AFF4: variants seen among roughly 807,000 people sequenced by gnomAD.
AFF4 encodes AF4/FMR2 family member 4.
Under a neutral mutation model 124.8 loss-of-function variants are expected in AFF4, and 13 were observed. The observed-to-expected ratio is 0.10, with a 90% confidence interval of 0.07 to 0.17. The LOEUF is 0.17. AFF4 is among the 10% of genes least tolerant of loss of function. The pLI is 1.00. For missense variants in AFF4, 1,092 were observed against 1,403.8 expected, an observed-to-expected ratio of 0.78 and a Z score of 3.55; for synonymous variants, 477 against 496.1, an observed-to-expected ratio of 0.96 and a Z score of 0.51.
chr5:132,920,349 G>A (rs1761013947), intron 5 of AFF4, among the ~76,000 whole-genome samples: 1 of 142,322 alleles, frequency 7.0e-6, no homozygotes, highest in African/African-American at 2.6e-5. Context: ...CAGCCCAGCG[G>A]GCAAACATTT....
chr5:132,963,512 G>C lies in AFF4; in HGVS notation c.-258C>G. The C allele has an allele frequency of 2.5e-6, 1 of 397,966 alleles. No homozygotes were observed. Among genetic ancestry groups the C allele is most frequent in the Non-Finnish European group, 4.4e-6 (1 of 225,634 alleles). The allele number at this position is 397,966 out of a possible 1,614,324, so 24.7% of individuals were successfully genotyped here. A position where few individuals can be genotyped will look rare whatever the true frequency, so the allele number is the denominator to read the frequency against. On this transcript the variant is annotated 5_prime_UTR_variant, in exon 1 of 21. Transcript: ENST00000265343. ...GCACCGCTCCATGACGGTCGGGCCC[G>C]GGCTGGGACAGCTGACTGAGGCGGC...
chr5:132,940,588 T>C (rs899010753), intron 1 of AFF4, among the ~76,000 whole-genome samples: 1 of 152,222 alleles, frequency 6.6e-6, no homozygotes, highest in Non-Finnish European at 1.5e-5. Context: ...AAGAAGTATT[T>C]CTATATCTCT....
intron 1 of AFF4, among the ~76,000 whole-genome samples, chr5:132,952,972 T>A (rs889419772): frequency 6.6e-6 from 1 of 152,048 alleles, no homozygotes; most frequent in Non-Finnish European, 1.5e-5. Flanking sequence ...TGACACTTTC[T>A]CTTCTGAAAT....
chr5:132,893,040 T>C lies in AFF4; in HGVS notation c.2386A>G (p.Ser796Gly). The C allele has an allele frequency of 1.2e-6, 2 of 1,614,114 alleles. No homozygotes were observed. Among genetic ancestry groups the C allele is most frequent in the Non-Finnish European group, 1.7e-6 (2 of 1,179,982 alleles). Residue 796 changes from serine to glycine, a missense_variant, in exon 12 of 21, where the codon AGC becomes GGC. Ser to Gly is a moderately conservative substitution (Grantham distance 56, BLOSUM62 0). Coordinates refer to ENST00000265343, the MANE Select transcript of AFF4 (RefSeq NM_014423.4). ...DKNSAGHKPS[S>G]NRESSKQSAA... ...GTTTTGGGAACGTACTCTCTGTTGCTGGATGGCTTATGGCCTGCTGAATTC... is the reference window on the plus strand; with the variant it reads ...GTTTTGGGAACGTACTCTCTGTTGCCGGATGGCTTATGGCCTGCTGAATTC...
intron 1 of AFF4, chr5:132,943,113 T>G (rs1390129316): frequency 1.7e-5 from 3 of 173,432 alleles, no homozygotes; most frequent in South Asian, 1.3e-4. Context: ...CAGGCACATC[T>G]CAGGCTGACT....
At chr5:132,894,926 T>C (rs1581276474) in intron 11 of AFF4, among the ~76,000 whole-genome samples, 1 of 152,268 alleles carries the variant, frequency 6.6e-6, no homozygotes, top group East Asian at 1.9e-4. Flanking sequence ...CACTCCAGCC[T>C]AGGTGACAGA....
chr5:132,914,325 G>A (rs1218200674), intron 5 of AFF4, among the ~76,000 whole-genome samples: 11 of 151,856 alleles, frequency 7.2e-5, no homozygotes, highest in Non-Finnish European at 5.9e-5. Context: ...TGAGCAAGCC[G>A]GGCGCAGCGG....
chr5:132,899,047 A>G (rs1760482173), intron 9 of AFF4, 57 bp downstream of exon 9: 2 of 1,476,964 alleles, frequency 1.4e-6, no homozygotes, highest in Non-Finnish European at 1.9e-6. Flanking sequence ...TATCCCTGCA[A>G]TGTTATCAGG....
chr5:132,962,058 C>T lies in AFF4; in HGVS notation c.-5+1201G>A, dbSNP rs75939875. 2.4e-4 allele frequency among the ~76,000 whole-genome samples: 37 copies of T among 152,278 alleles called. No homozygotes were observed. In the East Asian group the frequency reaches 6.4e-3, roughly 26 times the overall value. The stretch of plus-strand genomic sequence containing the variant: ...CCACTTGCCAACACTTCTTTATGCA[C>T]GTATGACCAAAGATGATTCTAGGCA... On this transcript the variant is annotated intron_variant, in intron 1 of 20. Transcript: ENST00000265343.
Position 132,880,806 on chromosome 5 carries a change from T to C in AFF4, c.*253A>G, listed in dbSNP as rs569370320. On this transcript the variant is annotated 3_prime_UTR_variant, in exon 21 of 21. Transcript: ENST00000265343. Reference sequence around the variant, plus strand: ...AATTGCAACTGGAATTTCAATCTTATCATAGCTCACGGAAACCATCTTATC... The same window carrying C: ...AATTGCAACTGGAATTTCAATCTTACCATAGCTCACGGAAACCATCTTATC... 3.2e-5 allele frequency: 11 copies of C among 342,444 alleles called. No homozygotes were observed. The highest frequency in any genetic ancestry group is 7.7e-4 in the Middle Eastern group (1 of 1,298). 21.2% of individuals were successfully genotyped at this position (342,444 alleles called of 1,614,324 possible).
intron 1 of AFF4, among the ~76,000 whole-genome samples, chr5:132,942,418 A>G (rs1001104536): frequency 3.3e-5 from 5 of 150,664 alleles, no homozygotes; most frequent in African/African-American, 1.2e-4. Flanking sequence ...AACATGTTCT[A>G]GGTTACCTTT....
intron 1 of AFF4, among the ~76,000 whole-genome samples, chr5:132,959,797 C>T (rs1469708835): frequency 2.4e-5 from 3 of 125,648 alleles, no homozygotes; most frequent in Non-Finnish European, 4.7e-5. Context: ...CGGAGTCTCG[C>T]TCTGTTGCCC....
At chr5:132,899,185 T>C in intron 8 of AFF4, 44 bp from the exon 9 acceptor site, 1 of 1,564,718 alleles carries the variant, frequency 6.4e-7, no homozygotes, top group Non-Finnish European at 8.8e-7. Context: ...GAATAAACAG[T>C]ATTCTATTTG....
chr5:132,878,127 G>T lies in AFF4; in HGVS notation c.*2932C>A. 1 of 227,858 alleles carries T rather than the reference G, an allele frequency of 4.4e-6. No individual in the cohort carries two copies. 14.1% of individuals were successfully genotyped at this position (227,858 alleles called of 1,614,324 possible). A position where few individuals can be genotyped will look rare whatever the true frequency, so the allele number is the denominator to read the frequency against. ...AAAAGGTGGCACTGAGGCAAGGAAT[G>T]GGCTGGATGCTCTCTAGCCAGACTG... is the stretch of plus-strand genomic sequence containing the variant. On this transcript the variant is annotated 3_prime_UTR_variant, in exon 21 of 21. Coordinates refer to ENST00000265343, the MANE Select transcript of AFF4 (RefSeq NM_014423.4).
intron 1 of AFF4, among the ~76,000 whole-genome samples, chr5:132,949,877 A>T (rs915391181): frequency 1.3e-5 from 2 of 149,866 alleles, no homozygotes; most frequent in Non-Finnish European, 3.0e-5. Flanking sequence ...AGTAAAAATT[A>T]GCCAGGAAAG....
rs1017373867 is a variant in AFF4, at chr5:132,937,182, C to T, written c.8G>A (p.Arg3His). MN[R>H]EDRNVLRMKE... Reference sequence around the variant, plus strand: ...CATACGCAGCACATTCCGGTCTTCACGGTTCATGTTGCTATGAAAAGAAAC... The same window carrying T: ...CATACGCAGCACATTCCGGTCTTCATGGTTCATGTTGCTATGAAAAGAAAC... The change falls in exon 2 of 21, where the codon CGT becomes CAT. Residue 3 changes from arginine (R) to histidine (H), a missense_variant. Arg to His is a conservative substitution (Grantham distance 29). Around this residue, in one of 11 missense-constraint regions of AFF4, gnomAD observed 46 missense variants for 49.0 expected, o/e 0.94. Transcript: ENST00000265343. 5.6e-6 allele frequency: 9 copies of T among 1,610,330 alleles called. No homozygotes were observed. Among genetic ancestry groups the T allele is most frequent in the Admixed American group, 3.4e-5 (2 of 59,544 alleles).
chr5:132,930,933 TAAAAAAA>T (rs775336427), intron 4 of AFF4, among the ~76,000 whole-genome samples: 4 of 78,564 alleles, frequency 5.1e-5, no homozygotes, highest in Admixed American at 1.6e-4. Flanking sequence ...CTATCTCTAC[TAAAAAAA>T]AAAAAAAAAA....
chr5:132,944,681 A>G (rs1425445352), intron 1 of AFF4, among the ~76,000 whole-genome samples: 2 of 152,012 alleles, frequency 1.3e-5, no homozygotes, highest in East Asian at 3.9e-4. Flanking sequence ...CCGTAATCCC[A>G]GCACTTTGGA....
chr5:132,951,638 C>T (rs1365655805), intron 1 of AFF4, among the ~76,000 whole-genome samples: 1 of 152,206 alleles, frequency 6.6e-6, no homozygotes, highest in African/African-American at 2.4e-5. Flanking sequence ...AGCAATTCTT[C>T]TGCCTCAGCC....
Sources: allele counts gnomAD v4.1 joint callset (sites outside exome capture counted in the v4.1 genomes callset), GRCh38; gene constraint gnomAD v4.1.1; regional missense constraint gnomAD v4.1.1; transcripts MANE v1.5; gene names NCBI Gene and HGNC (gene_info 2026-07-23, HGNC 2026-07-21).